Variants in NRG1 observed in about 807,000 individuals in gnomAD.
NRG1 encodes the protein neuregulin 1.
Under a neutral mutation model 63.8 loss-of-function variants are expected in NRG1, and 18 were observed. The observed-to-expected ratio is 0.28, with a 90% CI of 0.19 to 0.42. The LOEUF (loss-of-function observed/expected upper bound fraction) is 0.42, where lower values mean the gene tolerates loss of function less well. Ranked by LOEUF, NRG1 falls within the 10% of genes least tolerant of loss-of-function variation. NRG1 has a pLI of 1.00. For missense variants in NRG1, 762 were observed against 814.7 expected, an observed-to-expected ratio of 0.94 and a Z score of 0.79; for synonymous variants, 302 against 301.3, an observed-to-expected ratio of 1.00 and a Z score of -0.02.
At chr8:32,745,146 A>G (rs1827186099) in intron 7 of NRG1, among the ~76,000 whole-genome samples, 1 of 152,160 alleles carries the variant, frequency 6.6e-6, no homozygotes, top group South Asian at 2.1e-4. Flanking sequence ...TAGAAGTCAG[A>G]AAAATAAATT....
At chr8:32,173,215 C>G (rs1351791947) in intron 1 of NRG1, among the ~76,000 whole-genome samples, 1 of 152,080 alleles carries the variant, frequency 6.6e-6, no homozygotes, top group East Asian at 1.9e-4. Context: ...AATTTTCAAC[C>G]CAGAATTTCA....
At chr8:31,719,407 T>G (rs1231145299) in intron 1 of NRG1, among the ~76,000 whole-genome samples, 1 of 152,216 alleles carries the variant, frequency 6.6e-6, no homozygotes, top group African/African-American at 2.4e-5. Context: ...TACATTTCTT[T>G]TCTGAAATTG....
intron 1 of NRG1, among the ~76,000 whole-genome samples, chr8:31,953,368 CTT>C (rs1201672395): frequency 4.6e-5 from 7 of 152,156 alleles, no homozygotes; most frequent in Non-Finnish European, 1.0e-4. Context: ...ATTATTTTAA[CTT>C]TGTGGAATGT....
chr8:32,567,392 A>G (rs888535413), intron 1 of NRG1, among the ~76,000 whole-genome samples: 1 of 152,244 alleles, frequency 6.6e-6, no homozygotes, highest in African/African-American at 2.4e-5. Flanking sequence ...CAAGTTTACA[A>G]GAGAAGAAAC....
intron 1 of NRG1, among the ~76,000 whole-genome samples, chr8:31,819,318 A>G (rs538409398): frequency 3.3e-5 from 5 of 152,342 alleles, no homozygotes; most frequent in South Asian, 2.1e-4. Flanking sequence ...TGTGAAAAAC[A>G]TATTGTTACA....
At chr8:31,709,240 G>A (rs1811495374) in intron 1 of NRG1, among the ~76,000 whole-genome samples, 1 of 146,912 alleles carries the variant, frequency 6.8e-6, no homozygotes, top group Non-Finnish European at 1.5e-5. Context: ...TTTCATCTAT[G>A]GAAATTATCT....
chr8:32,272,094 T>C (rs1851610151), intron 1 of NRG1, among the ~76,000 whole-genome samples: 1 of 152,220 alleles, frequency 6.6e-6, no homozygotes, highest in African/African-American at 2.4e-5. Context: ...TTTTCTGGAA[T>C]AGGGACTATC....
intron 5 of NRG1, among the ~76,000 whole-genome samples, chr8:32,624,867 AG>A (rs1848939665): frequency 6.6e-6 from 1 of 152,200 alleles, no homozygotes; most frequent in Admixed American, 6.5e-5. Flanking sequence ...TCCATGATTG[AG>A]GAGATTTTGA....
chr8:32,363,471 C>T (rs748487505), intron 1 of NRG1, among the ~76,000 whole-genome samples: 16 of 152,220 alleles, frequency 1.1e-4, no homozygotes, highest in Middle Eastern at 3.4e-3. Context: ...ATTTCTCTAA[C>T]GGGAGTATGA....
chr8:32,038,835 G>T (rs1819487493), intron 1 of NRG1, among the ~76,000 whole-genome samples: 1 of 151,982 alleles, frequency 6.6e-6, no homozygotes, highest in South Asian at 2.1e-4. Flanking sequence ...CCCACCTGTT[G>T]TTCAAATTCA....
chr8:31,673,216 G>C (rs759774750), intron 1 of NRG1, among the ~76,000 whole-genome samples: 3 of 152,070 alleles, frequency 2.0e-5, no homozygotes, highest in Non-Finnish European at 2.9e-5. Context: ...GATTTGGTGG[G>C]AGAGAAGAGA....
At chr8:32,402,415 T>A (rs1215251118) in intron 1 of NRG1, among the ~76,000 whole-genome samples, 1 of 151,856 alleles carries the variant, frequency 6.6e-6, no homozygotes, top group Non-Finnish European at 1.5e-5. Flanking sequence ...AAATATTAAA[T>A]GGAAAATTTA....
chr8:31,694,770 A>G (rs1809887953), intron 1 of NRG1, among the ~76,000 whole-genome samples: 1 of 152,188 alleles, frequency 6.6e-6, no homozygotes, highest in Non-Finnish European at 1.5e-5. Flanking sequence ...TGGCATGATC[A>G]TCTTGCTGTT....
intron 1 of NRG1, among the ~76,000 whole-genome samples, chr8:32,235,713 G>T (rs1847477385): frequency 6.6e-6 from 1 of 152,146 alleles, no homozygotes; most frequent in Non-Finnish European, 1.5e-5. Context: ...TGGTCACTCA[G>T]ATTTCGGTGC....
At chr8:32,414,382 G>A (rs770944480) in intron 1 of NRG1, among the ~76,000 whole-genome samples, 1 of 152,118 alleles carries the variant, frequency 6.6e-6, no homozygotes, top group Non-Finnish European at 1.5e-5. Flanking sequence ...TTGCTTTTTA[G>A]GGCAATTAAT....
chr8:32,456,006 A>G (rs1209507853), intron 1 of NRG1, among the ~76,000 whole-genome samples: 1 of 152,078 alleles, frequency 6.6e-6, no homozygotes, highest in Non-Finnish European at 1.5e-5. Flanking sequence ...ATGGTCTGGA[A>G]CTCTTGACTT....
intron 1 of NRG1, among the ~76,000 whole-genome samples, chr8:32,367,212 G>A (rs77149637): frequency 2.0e-3 from 300 of 152,142 alleles, no homozygotes; most frequent in African/African-American, 7.0e-3. Context: ...AGAAACCTCC[G>A]AACTATTTTC....
chr8:32,203,725 T>C (rs1843728896), intron 1 of NRG1, among the ~76,000 whole-genome samples: 1 of 152,144 alleles, frequency 6.6e-6, no homozygotes, highest in South Asian at 2.1e-4. Flanking sequence ...CAAGTGTATT[T>C]TGGGCCAAGT....
chr8:31,808,374 T>C (rs1822501770), intron 1 of NRG1, among the ~76,000 whole-genome samples: 1 of 152,100 alleles, frequency 6.6e-6, no homozygotes, highest in African/African-American at 2.4e-5. Flanking sequence ...ACTTAGAATT[T>C]TAGAGTGAGT....
Sources: allele counts gnomAD v4.1 joint callset (sites outside exome capture counted in the v4.1 genomes callset), GRCh38; gene constraint gnomAD v4.1.1; transcripts MANE v1.5; gene names NCBI Gene and HGNC (gene_info 2026-07-23, HGNC 2026-07-21).